RAPGEF5: variants seen among roughly 807,000 people sequenced by gnomAD.
The protein encoded by RAPGEF5 is Rap guanine nucleotide exchange factor 5.
A neutral mutation model predicts 125.2 loss-of-function variants in RAPGEF5; 65 were observed. That is an observed-to-expected ratio of 0.52 (90% CI 0.43 to 0.64). The LOEUF (loss-of-function observed/expected upper bound fraction) is 0.64, where lower values mean the gene tolerates loss of function less well. RAPGEF5 is among the 30% of genes least tolerant of loss of function. RAPGEF5 has a pLI of 0.00. For missense variants in RAPGEF5, 958 were observed against 1,048.1 expected (o/e 0.91, Z 1.19); for synonymous variants, 391 against 385.9 (o/e 1.01, Z -0.16).
chr7:22,121,606 A>G lies in RAPGEF5; in HGVS notation c.*800T>C, dbSNP rs112862087. 9 of 152,314 alleles carry G rather than the reference A, an allele frequency of 5.9e-5. 1 individual carries two copies. The highest frequency in any genetic ancestry group is 2.2e-4 in the African/African-American group (9 of 41,582). 9.4% of individuals were successfully genotyped at this position (152,314 alleles called of 1,614,324 possible). A position where few individuals can be genotyped will look rare whatever the true frequency, so the allele number is the denominator to read the frequency against. ...TTTCAAAATCATATTATGTCCAATA[A>G]AAGATAAGAGCCTGCTTAGAAGTAT... On this transcript the variant is annotated 3_prime_UTR_variant, in exon 26 of 26. Transcript: ENST00000665637.
rs961938438 is a variant in RAPGEF5 at position 22,194,677 on chromosome 7, A to T, written c.997-644T>A. 6 of 985,088 alleles carry T rather than the reference A, an allele frequency of 6.1e-6. No individual in the cohort carries two copies. In the African/African-American group the frequency reaches 1.0e-4, roughly 17 times the overall value. 61.0% of individuals were successfully genotyped at this position (985,088 alleles called of 1,614,324 possible). On this transcript the variant is annotated intron_variant, in intron 9 of 25. Coordinates refer to ENST00000665637, the MANE Select transcript of RAPGEF5 (RefSeq NM_012294.5). ...AAAATGGATCTCTAGTTAGAATCTC[A>T]TCTAGGCTGAAATTCGGATGCCATG... is the stretch of plus-strand genomic sequence containing the variant.
intron 1 of RAPGEF5, among the ~76,000 whole-genome samples, chr7:22,319,187 A>G (rs1161484059): frequency 1.3e-5 from 2 of 152,150 alleles, no homozygotes; most frequent in Admixed American, 1.3e-4. Flanking sequence ...CATTTATTGA[A>G]CTTCCAACCT....
chr7:22,128,700 G>A (rs1782822031), intron 24 of RAPGEF5, among the ~76,000 whole-genome samples: 1 of 152,128 alleles, frequency 6.6e-6, no homozygotes, highest in Admixed American at 6.5e-5. Context: ...GTAAGGAGGG[G>A]TCAGCATGAG....
chr7:22,137,369 A>T (rs1783110216), intron 21 of RAPGEF5, among the ~76,000 whole-genome samples: 1 of 152,240 alleles, frequency 6.6e-6, no homozygotes, highest in Non-Finnish European at 1.5e-5. Flanking sequence ...TTTAGCATAG[A>T]TGATGAAATT....
chr7:22,214,696 C>T (rs1464787032), intron 9 of RAPGEF5, among the ~76,000 whole-genome samples: 1 of 152,022 alleles, frequency 6.6e-6, no homozygotes, highest in Non-Finnish European at 1.5e-5. Context: ...CCCCCAACCC[C>T]CATCCCTCCC....
At chr7:22,125,371 C>A (rs1782705501) in intron 25 of RAPGEF5, 1 of 448,944 alleles carries the variant, frequency 2.2e-6, no homozygotes, top group African/African-American at 2.0e-5. Context: ...CTCTTCACAG[C>A]ATAAACTTGC....
intron 9 of RAPGEF5, among the ~76,000 whole-genome samples, chr7:22,206,208 G>A (rs1785393131): frequency 6.6e-6 from 1 of 152,102 alleles, no homozygotes; most frequent in Non-Finnish European, 1.5e-5. Flanking sequence ...AGCTCAGAGA[G>A]GTAAAGTGAT....
chr7:22,296,132 G>T (rs1262655336), intron 5 of RAPGEF5, among the ~76,000 whole-genome samples: 2 of 152,102 alleles, frequency 1.3e-5, no homozygotes, highest in African/African-American at 2.4e-5. Context: ...TACATGACTG[G>T]GTGAGGGCAC....
chr7:22,201,741 G>A (rs1785282645), intron 9 of RAPGEF5, among the ~76,000 whole-genome samples: 1 of 152,166 alleles, frequency 6.6e-6, no homozygotes, highest in Non-Finnish European at 1.5e-5. Flanking sequence ...AATCACACAG[G>A]TGTTACTGTT....
At chr7:22,245,047 T>G (rs1436905255) in intron 7 of RAPGEF5, among the ~76,000 whole-genome samples, 1 of 152,258 alleles carries the variant, frequency 6.6e-6, no homozygotes, top group African/African-American at 2.4e-5. Context: ...ACTGTGATTT[T>G]AATTTGCATT....
intron 6 of RAPGEF5, among the ~76,000 whole-genome samples, chr7:22,289,024 C>T (rs1456509306): frequency 6.6e-6 from 1 of 152,200 alleles, no homozygotes; most frequent in Non-Finnish European, 1.5e-5. Context: ...AATTCCACAG[C>T]TAGAATACAC....
intron 1 of RAPGEF5, among the ~76,000 whole-genome samples, chr7:22,338,106 T>C (rs527270973): frequency 6.6e-6 from 1 of 152,352 alleles, no homozygotes; most frequent in South Asian, 2.1e-4. Context: ...ACCTGCTGCA[T>C]TTCATTTGAA....
chr7:22,280,824 T>C (rs1436942163), intron 6 of RAPGEF5, among the ~76,000 whole-genome samples: 1 of 152,224 alleles, frequency 6.6e-6, no homozygotes, highest in African/African-American at 2.4e-5. Context: ...AGTATGAGTT[T>C]AATCTCTGAC....
At chr7:22,289,683 C>T (rs1177268660) in intron 6 of RAPGEF5, among the ~76,000 whole-genome samples, 1 of 152,086 alleles carries the variant, frequency 6.6e-6, no homozygotes, top group African/African-American at 2.4e-5. Context: ...TTTTTTACAC[C>T]ATTGATTATC....
intron 1 of RAPGEF5, among the ~76,000 whole-genome samples, chr7:22,326,966 ATACAT>A (rs1361319210): frequency 1.3e-5 from 2 of 152,218 alleles, no homozygotes; most frequent in African/African-American, 2.4e-5. Context: ...CTCAAGTTGT[ATACAT>A]TACATATGTA....
intron 9 of RAPGEF5, among the ~76,000 whole-genome samples, chr7:22,198,597 A>G (rs1785205931): frequency 6.6e-6 from 1 of 152,188 alleles, no homozygotes; most frequent in Non-Finnish European, 1.5e-5. Flanking sequence ...TTATTCCATA[A>G]TGGTAGAGGT....
At chr7:22,169,093 T>C (rs903172723) in intron 11 of RAPGEF5, among the ~76,000 whole-genome samples, 1 of 152,304 alleles carries the variant, frequency 6.6e-6, no homozygotes, top group Non-Finnish European at 1.5e-5. Context: ...TAAACAGATA[T>C]ACCTGGGCCT....
At chr7:22,199,424 C>G (rs1015849814) in intron 9 of RAPGEF5, among the ~76,000 whole-genome samples, 5 of 151,000 alleles carry the variant, frequency 3.3e-5, no homozygotes. Context: ...GATGGGGCTC[C>G]CAGTATATAA....
intron 6 of RAPGEF5, among the ~76,000 whole-genome samples, chr7:22,288,944 C>T (rs980276088): frequency 6.6e-6 from 1 of 152,158 alleles, no homozygotes; most frequent in Non-Finnish European, 1.5e-5. Flanking sequence ...CCAGGACCTT[C>T]TTCTCTAACT....
Sources: allele counts gnomAD v4.1 joint callset (sites outside exome capture counted in the v4.1 genomes callset), GRCh38; gene constraint gnomAD v4.1.1; transcripts MANE v1.5; gene names NCBI Gene and HGNC (gene_info 2026-07-23, HGNC 2026-07-21).